The following TPD52 variants were observed in gnomAD, a reference collection of about 807,000 sequenced individuals.
TPD52 encodes the protein prostate and colon associated protein.
In TPD52, 17 loss-of-function variants were observed where a neutral mutation model predicts 31.3. The observed-to-expected ratio is 0.54, with a 90% CI of 0.37 to 0.82. The LOEUF (loss-of-function observed/expected upper bound fraction) is 0.82. TPD52 is among the 40% of genes least tolerant of loss of function. The probability of loss-of-function intolerance (pLI) is 0.00; values close to 1 mark genes in which losing one functional copy is unlikely to be tolerated. For synonymous variants in TPD52, 83 were observed against 89.6 expected, an observed-to-expected ratio of 0.93 and a Z score of 0.42; for missense variants, 212 against 240.1, an observed-to-expected ratio of 0.88 and a Z score of 0.77.
At chr8:80,150,555 C>T (rs1439150688) in intron 1 of TPD52, among the ~76,000 whole-genome samples, 1 of 152,208 alleles carries the variant, frequency 6.6e-6, no homozygotes, top group East Asian at 1.9e-4. Context: ...GGGAGGGAAG[C>T]TGTACCTGCA....
At chr8:80,067,593 C>A (rs1016417675) in intron 1 of TPD52, among the ~76,000 whole-genome samples, 1 of 152,066 alleles carries the variant, frequency 6.6e-6, no homozygotes, top group African/African-American at 2.4e-5. Flanking sequence ...CTCAAGCTTA[C>A]AGACATTAAG....
At chr8:80,163,025 T>C (rs1253348117) in intron 1 of TPD52, among the ~76,000 whole-genome samples, 1 of 152,120 alleles carries the variant, frequency 6.6e-6, no homozygotes, top group Non-Finnish European at 1.5e-5. Flanking sequence ...GTACTGTTGG[T>C]GCAAATGTAA....
At chr8:80,139,673 G>A (rs1202996273) in intron 1 of TPD52, among the ~76,000 whole-genome samples, 1 of 152,152 alleles carries the variant, frequency 6.6e-6, no homozygotes, top group Non-Finnish European at 1.5e-5. Context: ...CATTTGGATA[G>A]CGCCTCCCAA....
At chr8:80,128,181 C>A (rs1477540812) in intron 1 of TPD52, among the ~76,000 whole-genome samples, 2 of 151,904 alleles carry the variant, frequency 1.3e-5, no homozygotes, top group Non-Finnish European at 2.9e-5. Context: ...CACTTGAAAT[C>A]TGTTCATTTT....
At chr8:80,120,396 C>T (rs539585927) in intron 1 of TPD52, among the ~76,000 whole-genome samples, 3 of 151,570 alleles carry the variant, frequency 2.0e-5, no homozygotes, top group Non-Finnish European at 2.9e-5. Context: ...GGGTGAGGCA[C>T]GAGAATCACT....
intron 1 of TPD52, among the ~76,000 whole-genome samples, chr8:80,112,985 AACTT>A (rs1807605819): frequency 6.6e-6 from 1 of 152,210 alleles, no homozygotes. Flanking sequence ...CCTGAAGGTA[AACTT>A]ATACACTATA....
chr8:80,032,173 A>T (rs1005737224), downstream of TPD52, among the ~76,000 whole-genome samples: 2 of 146,210 alleles, frequency 1.4e-5, no homozygotes, highest in Admixed American at 1.3e-4. Context: ...AAAAAAAAAA[A>T]AAATGAGTAA....
intron 1 of TPD52, among the ~76,000 whole-genome samples, chr8:80,092,277 T>C (rs906729233): frequency 5.3e-5 from 8 of 152,204 alleles, no homozygotes; most frequent in Non-Finnish European, 7.3e-5. Context: ...CTAAGGTATG[T>C]TTGTAACCAT....
chr8:80,078,399 T>C (rs1040013226), intron 1 of TPD52, among the ~76,000 whole-genome samples: 17 of 152,378 alleles, frequency 1.1e-4, no homozygotes, highest in Non-Finnish European at 1.2e-4. Context: ...GAACTTTTAA[T>C]GGATTCATAA....
At chr8:80,038,479 T>C (rs1331581664) in intron 7 of TPD52, among the ~76,000 whole-genome samples, 1 of 150,040 alleles carries the variant, frequency 6.7e-6, no homozygotes, top group African/African-American at 2.5e-5. Context: ...CCTTTCCCCC[T>C]GCTCCTTGTT....
At position 80,168,129 on chromosome 8, in the gene TPD52, A is replaced by T. The variant is rs368053657; in HGVS notation, c.19+3296T>A. ...ATCATTTGATGTTCACTGAACTCTC[A>T]CTGTAAGCAGAGTATTGTATTCAAG... On this transcript the variant is annotated intron_variant, in intron 1 of 7. Transcript: ENST00000518937. Among the ~76,000 whole-genome samples, 225 of 152,348 alleles carry T rather than the reference A, an allele frequency of 1.5e-3. 1 individual carries two copies. The highest frequency in any genetic ancestry group is 5.2e-3 in the African/African-American group (217 of 41,588).
At chr8:80,164,766 A>T (rs1811597144) in intron 1 of TPD52, among the ~76,000 whole-genome samples, 1 of 126,690 alleles carries the variant, frequency 7.9e-6, no homozygotes, top group African/African-American at 3.5e-5. Flanking sequence ...CGCACCTGTA[A>T]TCCCAGCTAC....
chr8:80,105,520 T>G (rs1807038274), intron 1 of TPD52, among the ~76,000 whole-genome samples: 1 of 152,068 alleles, frequency 6.6e-6, no homozygotes, highest in Non-Finnish European at 1.5e-5. Flanking sequence ...TTGTAAGCCC[T>G]TAAGAGGGAC....
chr8:80,090,518 A>G (rs1816177206), intron 1 of TPD52, among the ~76,000 whole-genome samples: 1 of 152,230 alleles, frequency 6.6e-6, no homozygotes, highest in Non-Finnish European at 1.5e-5. Context: ...GGGGCATTTC[A>G]GTTCCTAAAC....
intron 1 of TPD52, among the ~76,000 whole-genome samples, chr8:80,120,080 G>C (rs1808150545): frequency 6.6e-6 from 1 of 151,726 alleles, no homozygotes; most frequent in African/African-American, 2.4e-5. Context: ...GTGACAGCCT[G>C]AGAGAAAATA....
At chr8:80,050,201 G>C (rs1160551587) in intron 5 of TPD52, 12 of 377,502 alleles carry the variant, frequency 3.2e-5, no homozygotes, top group Admixed American at 4.5e-5. Context: ...AAAAAGAAAT[G>C]TCAAAATCAT....
chr8:80,068,485 C>A (rs1008978616), intron 1 of TPD52, among the ~76,000 whole-genome samples: 3 of 152,226 alleles, frequency 2.0e-5, no homozygotes, highest in Admixed American at 2.0e-4. Flanking sequence ...TTATCAAACA[C>A]AAGTGACTGA....
intron 2 of TPD52, among the ~76,000 whole-genome samples, chr8:80,054,585 G>C (rs907413256): frequency 2.6e-5 from 4 of 152,046 alleles, no homozygotes; most frequent in Non-Finnish European, 4.4e-5. Flanking sequence ...CAACCTGCAC[G>C]GTATTTCTAT....
intron 1 of TPD52, among the ~76,000 whole-genome samples, chr8:80,102,998 G>A (rs1806856026): frequency 6.6e-6 from 1 of 152,142 alleles, no homozygotes; most frequent in Admixed American, 6.5e-5. Context: ...AAGGAGACAT[G>A]GAAGCTCCAT....
Sources: gnomAD v4.1 joint callset for allele counts (sites outside exome capture counted in the v4.1 genomes callset) on GRCh38, gnomAD v4.1.1 for gene constraint, MANE v1.5 for transcripts, NCBI Gene and HGNC (gene_info 2026-07-23, HGNC 2026-07-21) for gene names.